PCDHGA5: variants seen among roughly 807,000 people sequenced by gnomAD.
PCDHGA5 encodes protocadherin gamma subfamily A, 5.
PCDHGA5 carries 36 observed loss-of-function variants against 56.7 expected under a neutral mutation model. That is an observed-to-expected ratio of 0.64 (90% confidence interval 0.49 to 0.84). PCDHGA5 has a LOEUF of 0.84. PCDHGA5 is among the 40% of genes least tolerant of loss of function. The pLI is 0.00. For missense variants in PCDHGA5, 1,305 were observed against 1,201.5 expected, an observed-to-expected ratio of 1.09 and a Z score of -1.27; for synonymous variants, 563 against 520.2, an observed-to-expected ratio of 1.08 and a Z score of -1.12.
rs1229623400 is a variant in PCDHGA5, at chr5:141,505,984, T to A, written c.2569+503T>A. 4.6e-5 allele frequency among the ~76,000 whole-genome samples: 7 copies of A among 152,198 alleles called. No homozygotes were observed. In the East Asian group the frequency reaches 1.4e-3, roughly 30 times the overall value. On this transcript the variant is annotated intron_variant, in intron 3 of 3. Coordinates refer to ENST00000518069, the MANE Select transcript of PCDHGA5 (RefSeq NM_018918.3). ...AGAAATCCCCAGCCGAGAGAACACC[T>A]CCTCTTTATGCGAGGCTCCTCTTTT...
chr5:141,431,473 C>T lies in PCDHGA5; in HGVS notation c.2422-63334C>T, dbSNP rs750300971. ...TGATGGTTCTGGATGCGAACGACAA[C>T]GCACCAGCGTTTGCTCAGCCCGAGT... On this transcript the variant is annotated intron_variant, in intron 1 of 3. Coordinates refer to ENST00000518069, the MANE Select transcript of PCDHGA5 (RefSeq NM_018918.3). This position sits in a 1 kb window ranked among gnomAD's most constrained non-coding sequence, Gnocchi z 4.8. 4.3e-6 allele frequency: 7 copies of T among 1,613,832 alleles called. No individual in the cohort carries two copies. The Admixed American group carries it at 1.2e-4, about 27-fold the overall frequency.
At chr5:141,386,154 A>T (rs1211383292) in intron 1 of PCDHGA5, among the ~76,000 whole-genome samples, 2 of 152,222 alleles carry the variant, frequency 1.3e-5, no homozygotes, top group Non-Finnish European at 2.9e-5. Context: ...CAACTGTCTC[A>T]CGTACTCAAA....
intron 1 of PCDHGA5, chr5:141,423,505 C>G: frequency 6.2e-7 from 1 of 1,613,932 alleles, no homozygotes; most frequent in Non-Finnish European, 8.5e-7. Context: ...CGAGGTCTCT[C>G]TCATTGCGGA....
Position 141,422,340 on chromosome 5 carries a change from T to C in PCDHGA5, c.2421+55589T>C, listed in dbSNP as rs776306472. ...CAGGTACAGTGATTGCTCTTCTAAA[T>C]GTGCAAGATCAAGATTCTGGAGAAA... On this transcript the variant is annotated intron_variant, in intron 1 of 3. Transcript: ENST00000518069. 2.6e-6 allele frequency: 4 copies of C among 1,550,190 alleles called. 1 individual carries two copies. Among genetic ancestry groups the C allele is most frequent in the Non-Finnish European group, 3.5e-6 (4 of 1,154,238 alleles).
In PCDHGA5 at chr5:141,486,828, G is replaced by T. The variant is rs140257646; in HGVS notation, c.2422-7979G>T. ...CCCCTTAGCAGCACTGTAACAGTTC[G>T]TCTATTTGTGCTGGACCTCAATGAC... On this transcript the variant is annotated intron_variant, in intron 1 of 3. Coordinates refer to ENST00000518069, the MANE Select transcript of PCDHGA5 (RefSeq NM_018918.3). This position sits in a 1 kb window ranked among gnomAD's most constrained non-coding sequence, Gnocchi z 5.0. The T allele has an allele frequency of 8.7e-6, 14 of 1,614,218 alleles. No homozygotes were observed. The highest frequency in any genetic ancestry group is 1.2e-5 in the Non-Finnish European group (14 of 1,180,042).
intron 1 of PCDHGA5, chr5:141,415,749 T>C: frequency 8.2e-7 from 1 of 1,214,000 alleles, no homozygotes; most frequent in Non-Finnish European, 1.1e-6. Flanking sequence ...GGTTTTTTTT[T>C]TTTTTTTTTT....
Position 141,491,208 on chromosome 5 carries a change from C to A in PCDHGA5, c.2422-3599C>A. ...TGAGGGACAATGGTGACCCTTCACT[C>A]TCCTCCACAGCCACAGTGCTGCTGG... On this transcript the variant is annotated intron_variant, in intron 1 of 3. Coordinates refer to ENST00000518069, the MANE Select transcript of PCDHGA5 (RefSeq NM_018918.3). The surrounding 1 kb of genome is among the most constrained non-coding windows in gnomAD (Gnocchi z 6.9). The A allele has an allele frequency of 6.2e-7, 1 of 1,614,204 alleles. No homozygotes were observed. Among genetic ancestry groups the A allele is most frequent in the African/African-American group, 1.3e-5 (1 of 75,058 alleles).
At position 141,491,458 on chromosome 5, in the gene PCDHGA5, G is replaced by T. The variant is rs867069360; in HGVS notation, c.2422-3349G>T. 1.9e-6 allele frequency: 3 copies of T among 1,613,974 alleles called. No homozygotes were observed. The highest frequency in any genetic ancestry group is 1.6e-4 in the Middle Eastern group (1 of 6,084). On this transcript the variant is annotated intron_variant, in intron 1 of 3. Coordinates refer to ENST00000518069, the MANE Select transcript of PCDHGA5 (RefSeq NM_018918.3). This position sits in a 1 kb window ranked among gnomAD's most constrained non-coding sequence, Gnocchi z 6.9. ...CAGGCGCCAGGACTCACCCTCCCCGGACTTCTATAAGCAGTCCAGCCCCAA... is the reference window on the plus strand; with the variant it reads ...CAGGCGCCAGGACTCACCCTCCCCGTACTTCTATAAGCAGTCCAGCCCCAA...
chr5:141,421,384 C>T (rs960627405), intron 1 of PCDHGA5: 5 of 1,613,928 alleles, frequency 3.1e-6, no homozygotes, highest in Non-Finnish European at 4.2e-6. Context: ...CTCCAAGGAC[C>T]TGGGGCTGGA....
At chr5:141,406,109 G>C (rs2094766123) in intron 1 of PCDHGA5, among the ~76,000 whole-genome samples, 1 of 144,746 alleles carries the variant, frequency 6.9e-6, no homozygotes, top group South Asian at 2.2e-4. Flanking sequence ...GTGTCATTCT[G>C]TTGTCCAGGG....
intron 1 of PCDHGA5, chr5:141,417,508 TATTTTGGCTGTCAACTCGTAG>T: frequency 4.2e-6 from 1 of 237,898 alleles, no homozygotes; most frequent in East Asian, 9.1e-5. Flanking sequence ...AAGATTAAAA[TATTTTGGCTGTCAACTCGTAG>T]TTTAAAAAAA....
chr5:141,433,093 G>A (rs1203083573), intron 1 of PCDHGA5: 4 of 1,614,206 alleles, frequency 2.5e-6, no homozygotes, highest in Admixed American at 1.7e-5. Flanking sequence ...ATGCAGACAT[G>A]CTCGTCAGCC....
At chr5:141,398,700 C>T in intron 1 of PCDHGA5, 1 of 1,613,844 alleles carries the variant, frequency 6.2e-7, no homozygotes, top group Non-Finnish European at 8.5e-7. Context: ...GTAGTAAATA[C>T]CCGGAACTGG....
At chr5:141,451,653 G>A (rs1440576814) in intron 1 of PCDHGA5, among the ~76,000 whole-genome samples, 2 of 152,166 alleles carry the variant, frequency 1.3e-5, no homozygotes, top group Non-Finnish European at 2.9e-5. Context: ...AGGCCAAGGA[G>A]GGTGGACTGC....
At chr5:141,416,530 G>A (rs976560428) in intron 1 of PCDHGA5, 2 of 152,160 alleles carry the variant, frequency 1.3e-5, no homozygotes, top group Non-Finnish European at 2.9e-5. Flanking sequence ...GCTCTTTAAT[G>A]TATAAGGAGG....
intron 1 of PCDHGA5, among the ~76,000 whole-genome samples, chr5:141,465,907 G>C (rs1367648934): frequency 6.6e-6 from 1 of 152,056 alleles, no homozygotes; most frequent in East Asian, 1.9e-4. Flanking sequence ...CAAATCACGA[G>C]GTCAGGATTT....
At chr5:141,427,965 C>G in intron 1 of PCDHGA5, 1 of 1,590,342 alleles carries the variant, frequency 6.3e-7, no homozygotes, top group Non-Finnish European at 8.6e-7. Flanking sequence ...GCCGCGGGTG[C>G]TGTACCCCGC....
chr5:141,497,003 A>C (rs928317358), intron 2 of PCDHGA5, among the ~76,000 whole-genome samples: 2 of 152,148 alleles, frequency 1.3e-5, no homozygotes, highest in African/African-American at 4.8e-5. Context: ...CTGGCAGCCA[A>C]CATGGTGAAA....
Position 141,364,351 on chromosome 5 carries a change from C to T in PCDHGA5, c.21C>T (p.Gly7=), listed in dbSNP as rs1194197136. 7.7e-6 allele frequency: 12 copies of T among 1,550,222 alleles called. No individual in the cohort carries two copies. The highest frequency in any genetic ancestry group is 9.6e-6 in the Non-Finnish European group (11 of 1,151,158). The part of the protein sequence containing the change: MASPPR[G]WGCGELLLPF... The stretch of plus-strand genomic sequence containing the variant: ...AGGCAATGGCGAGTCCACCTAGGGG[C>T]TGGGGCTGCGGAGAGCTGCTGCTGC... The change falls in exon 1 of 4, where the codon GGC becomes GGT. Residue 7 remains glycine (G), a synonymous_variant. Coordinates refer to ENST00000518069, the MANE Select transcript of PCDHGA5 (RefSeq NM_018918.3).
Sources: allele counts gnomAD v4.1 joint callset (sites outside exome capture counted in the v4.1 genomes callset), GRCh38; gene constraint gnomAD v4.1.1; non-coding constraint Gnocchi (gnomAD v3.1); transcripts MANE v1.5; gene names NCBI Gene and HGNC (gene_info 2026-07-23, HGNC 2026-07-21).